The following SRP54 variants were observed in gnomAD, a reference collection of about 807,000 sequenced individuals.
The protein encoded by SRP54 is signal recognition particle 54, also known as signal recognition particle subunit SRP54.
SRP54 carries 10 observed loss-of-function variants against 64.8 expected under a neutral mutation model. The ratio of observed to expected loss-of-function variants is 0.15; its 90% CI spans 0.10 to 0.26. The LOEUF (loss-of-function observed/expected upper bound fraction) is 0.26, where lower values mean the gene tolerates loss of function less well. Ranked by LOEUF, SRP54 falls within the 10% of genes least tolerant of loss-of-function variation. The probability of loss-of-function intolerance (pLI) is 1.00; values close to 1 mark genes in which losing one functional copy is unlikely to be tolerated. For synonymous variants in SRP54, 193 were observed against 185.6 expected, an observed-to-expected ratio of 1.04 and a Z score of -0.32; for missense variants, 325 against 613.7, an observed-to-expected ratio of 0.53 and a Z score of 4.97.
At chr14:35,022,595 G>A (rs2044551579) in intron 13 of SRP54, among the ~76,000 whole-genome samples, 1 of 152,094 alleles carries the variant, frequency 6.6e-6, no homozygotes, top group African/African-American at 2.4e-5. Flanking sequence ...GACCTCATGA[G>A]CTGCCTGCCT....
chr14:34,998,725 A>C (rs1158800851), intron 2 of SRP54, among the ~76,000 whole-genome samples: 1 of 151,782 alleles, frequency 6.6e-6, no homozygotes, highest in East Asian at 2.0e-4. Flanking sequence ...AGACAGGAGA[A>C]TCTCTTGAAT....
At chr14:34,987,145 C>T (rs1187521585) in intron 1 of SRP54, among the ~76,000 whole-genome samples, 2 of 149,896 alleles carry the variant, frequency 1.3e-5, no homozygotes, top group East Asian at 2.0e-4. Context: ...GCAGGAGAAT[C>T]GCTTGAATCC....
chr14:34,994,824 G>A (rs996350563), intron 1 of SRP54, among the ~76,000 whole-genome samples: 5 of 151,864 alleles, frequency 3.3e-5, no homozygotes, highest in Admixed American at 6.6e-5. Flanking sequence ...CTGTCACCCA[G>A]GCTGGATGGA....
chr14:34,997,749 ATTAT>A, intron 2 of SRP54, among the ~76,000 whole-genome samples: 1 of 152,280 alleles, frequency 6.6e-6, no homozygotes, highest in South Asian at 2.1e-4. Context: ...GTTTCATGTG[ATTAT>A]TTATTTGGAA....
chr14:34,990,842 CAA>C (rs922459353), intron 1 of SRP54, among the ~76,000 whole-genome samples: 17 of 152,024 alleles, frequency 1.1e-4, no homozygotes, highest in African/African-American at 4.1e-4. Flanking sequence ...ACAAATTACC[CAA>C]GTTATTGTTT....
intron 8 of SRP54, among the ~76,000 whole-genome samples, chr14:35,012,534 A>G (rs1427183783): frequency 2.6e-5 from 4 of 152,176 alleles, no homozygotes; most frequent in Non-Finnish European, 4.4e-5. Context: ...TAAGGGAAGT[A>G]GCCTCAAGTA....
At chr14:34,988,924 C>G (rs969278630) in intron 1 of SRP54, among the ~76,000 whole-genome samples, 2 of 151,892 alleles carry the variant, frequency 1.3e-5, no homozygotes, top group African/African-American at 2.4e-5. Context: ...ATCTCTAGAT[C>G]AATACCTAAT....
Position 35,014,290 on chromosome 14 carries a change from T to TTTTTTTTTTTTTTTTTTTTG in SRP54, c.886+392_886+393insTTTTTTTTTTTTTTTGTTTT, listed in dbSNP as rs376712278. Reference sequence around the variant, plus strand: ...TGCCACTTAACTTTTTTTTTTTTTTTTTTTGAGACGGAGTTTCGCTCTTGT... The same window carrying TTTTTTTTTTTTTTTTTTTTG: ...TGCCACTTAACTTTTTTTTTTTTTTTTTTTTTTTTTTTTTTTTTTGTTTTGAGACGGAGTTTCGCTCTTGT... On this transcript the variant is annotated intron_variant, in intron 10 of 15. Transcript: ENST00000216774. 4.3e-3 allele frequency among the ~76,000 whole-genome samples: 545 copies of TTTTTTTTTTTTTTTTTTTTG among 127,014 alleles called. 20 individuals are homozygous for TTTTTTTTTTTTTTTTTTTTG. Among genetic ancestry groups the TTTTTTTTTTTTTTTTTTTTG allele is most frequent in the East Asian group, 9.9e-3 (36 of 3,638 alleles). The allele number at this position is 127,014 out of a possible 152,430, so 83.3% of individuals were successfully genotyped here. A position where few individuals can be genotyped will look rare whatever the true frequency, so the allele number is the denominator to read the frequency against.
At chr14:34,994,976 C>T (rs1469575216) in intron 1 of SRP54, among the ~76,000 whole-genome samples, 1 of 141,490 alleles carries the variant, frequency 7.1e-6, no homozygotes, top group African/African-American at 2.7e-5. Context: ...TGAAGTCCTG[C>T]CTGCTATGTT....
chr14:34,997,020 G>T, intron 2 of SRP54: 2 of 411,672 alleles, frequency 4.9e-6, no homozygotes, highest in Non-Finnish European at 4.3e-6. Context: ...AAAAAAACCT[G>T]ACCTTAACTT....
intron 11 of SRP54, among the ~76,000 whole-genome samples, chr14:35,015,531 T>A (rs1566653435): frequency 6.6e-6 from 1 of 152,246 alleles, no homozygotes; most frequent in Non-Finnish European, 1.5e-5. Context: ...ATACCTGTTT[T>A]TGTATCTCTG....
At chr14:35,010,160 T>C (rs1345558176) in intron 7 of SRP54, among the ~76,000 whole-genome samples, 2 of 151,026 alleles carry the variant, frequency 1.3e-5, no homozygotes, top group East Asian at 3.9e-4. Flanking sequence ...AAAAAAAATT[T>C]TTTTAGGCCG....
chr14:34,986,031 T>G (rs1395310745), intron 1 of SRP54, among the ~76,000 whole-genome samples: 1 of 152,210 alleles, frequency 6.6e-6, no homozygotes, highest in Non-Finnish European at 1.5e-5. Context: ...GGTAGCATTT[T>G]ATGTAAAGAT....
intron 1 of SRP54, among the ~76,000 whole-genome samples, chr14:34,995,320 G>A (rs1479950271): frequency 6.6e-6 from 1 of 151,986 alleles, no homozygotes; most frequent in Non-Finnish European, 1.5e-5. Context: ...AGAGCCCATG[G>A]TGTAGATCCA....
intron 1 of SRP54, among the ~76,000 whole-genome samples, chr14:34,989,399 C>T (rs1191974037): frequency 4.6e-5 from 7 of 151,656 alleles, no homozygotes; most frequent in Admixed American, 6.6e-5. Context: ...CCTAGCTGCT[C>T]GGGAGGTTGC....
chr14:34,997,297 A>G (rs2044086299), intron 2 of SRP54, among the ~76,000 whole-genome samples: 1 of 152,146 alleles, frequency 6.6e-6, no homozygotes, highest in Non-Finnish European at 1.5e-5. Flanking sequence ...ATGATATTAA[A>G]ATACTTTTCT....
intron 2 of SRP54, chr14:34,997,042 T>C: frequency 2.7e-6 from 1 of 364,626 alleles, no homozygotes; most frequent in Non-Finnish European, 4.9e-6. Context: ...CATGTAAAAA[T>C]AACATATTTT....
chr14:35,020,045 C>T (rs1015949585), intron 13 of SRP54, among the ~76,000 whole-genome samples: 14 of 151,824 alleles, frequency 9.2e-5, no homozygotes, highest in African/African-American at 2.4e-4. Context: ...ATTAGCCGGG[C>T]GTGGTGGCAC....
intron 1 of SRP54, among the ~76,000 whole-genome samples, chr14:34,996,322 CTT>C (rs1029192351): frequency 4.6e-5 from 7 of 152,054 alleles, no homozygotes; most frequent in African/African-American, 1.7e-4. Flanking sequence ...TTTTTCTCCT[CTT>C]TTAATTTAAA....
Sources: gnomAD v4.1 joint callset for allele counts (sites outside exome capture counted in the v4.1 genomes callset) on GRCh38, gnomAD v4.1.1 for gene constraint, MANE v1.5 for transcripts, NCBI Gene and HGNC (gene_info 2026-07-23, HGNC 2026-07-21) for gene names.